Variants in MACROD2 observed in about 807,000 individuals in gnomAD.
MACROD2 encodes mono-ADP ribosylhydrolase 2, also known as ADP-ribose glycohydrolase MACROD2.
Under a neutral mutation model 70.4 loss-of-function variants are expected in MACROD2, and 36 were observed. The observed-to-expected ratio is 0.51, with a 90% confidence interval of 0.39 to 0.68. MACROD2 has a LOEUF of 0.68. Among genes scored for constraint, MACROD2 ranks in the 30% least tolerant of loss-of-function variants. MACROD2 has a pLI of 0.00. For missense variants in MACROD2, 496 were observed against 538.4 expected, an observed-to-expected ratio of 0.92 and a Z score of 0.78; for synonymous variants, 172 against 178.8, an observed-to-expected ratio of 0.96 and a Z score of 0.30.
chr20:14,035,891 C>A (rs1444676671), intron 2 of MACROD2, among the ~76,000 whole-genome samples: 2 of 152,176 alleles, frequency 1.3e-5, no homozygotes, highest in African/African-American at 2.4e-5. Flanking sequence ...GCCTGTAATC[C>A]CAACACTTTG....
chr20:14,945,446 G>T (rs934376850), intron 5 of MACROD2, among the ~76,000 whole-genome samples: 2 of 152,172 alleles, frequency 1.3e-5, no homozygotes, highest in African/African-American at 4.8e-5. Flanking sequence ...AGACAGGGGC[G>T]TCAAGGTTAC....
At chr20:15,148,020 C>G (rs1178063285) in intron 5 of MACROD2, among the ~76,000 whole-genome samples, 1 of 151,976 alleles carries the variant, frequency 6.6e-6, no homozygotes, top group African/African-American at 2.4e-5. Flanking sequence ...GATATGATGG[C>G]TTAGCTTGGG....
At chr20:15,593,375 TTC>T (rs1461720725) in intron 8 of MACROD2, among the ~76,000 whole-genome samples, 3 of 152,214 alleles carry the variant, frequency 2.0e-5, no homozygotes, top group African/African-American at 7.2e-5. Flanking sequence ...TACTGCCATT[TTC>T]TTTTTCCACT....
chr20:14,420,161 T>G (rs2122891584), intron 3 of MACROD2, among the ~76,000 whole-genome samples: 1 of 151,060 alleles, frequency 6.6e-6, no homozygotes, highest in African/African-American at 2.4e-5. Flanking sequence ...TATATATATA[T>G]GTTTAGAGTT....
At chr20:15,539,222 A>G (rs1209930321) in intron 8 of MACROD2, among the ~76,000 whole-genome samples, 1 of 152,188 alleles carries the variant, frequency 6.6e-6, no homozygotes. Flanking sequence ...ATAAAACTCT[A>G]ACCAGATAAA....
intron 6 of MACROD2, among the ~76,000 whole-genome samples, chr20:15,383,300 A>C (rs577550661): frequency 6.6e-5 from 10 of 152,344 alleles, no homozygotes; most frequent in East Asian, 3.9e-4. Context: ...AGAGTTTGCC[A>C]GAGTTGTCTA....
intron 6 of MACROD2, among the ~76,000 whole-genome samples, chr20:15,356,374 A>G (rs1395699930): frequency 1.3e-5 from 2 of 152,246 alleles, no homozygotes; most frequent in Non-Finnish European, 2.9e-5. Flanking sequence ...TTTATAATGT[A>G]TCAAAATTTT....
chr20:14,287,512 T>C (rs2122431425), intron 3 of MACROD2, among the ~76,000 whole-genome samples: 1 of 152,328 alleles, frequency 6.6e-6, no homozygotes, highest in East Asian at 1.9e-4. Context: ...TTTGAGCATC[T>C]GTTGGTTGTG....
At chr20:14,310,860 G>A (rs1323358687) in intron 3 of MACROD2, among the ~76,000 whole-genome samples, 1 of 151,864 alleles carries the variant, frequency 6.6e-6, no homozygotes, top group Non-Finnish European at 1.5e-5. Flanking sequence ...AAAGAAATGA[G>A]TTAATTTTTT....
chr20:14,529,071 C>T (rs112020955), intron 4 of MACROD2, among the ~76,000 whole-genome samples: 19 of 152,142 alleles, frequency 1.2e-4, no homozygotes, highest in African/African-American at 3.6e-4. Context: ...GGAAAGGGCA[C>T]GAGATTGGGT....
At chr20:14,668,221 G>A (rs989069883) in intron 4 of MACROD2, among the ~76,000 whole-genome samples, 2 of 151,854 alleles carry the variant, frequency 1.3e-5, no homozygotes, top group Non-Finnish European at 2.9e-5. Context: ...TTTGTGTAGC[G>A]TCCTTTCAGC....
chr20:15,538,587 A>C (rs1259845154), intron 8 of MACROD2, among the ~76,000 whole-genome samples: 3 of 152,198 alleles, frequency 2.0e-5, no homozygotes, highest in Non-Finnish European at 4.4e-5. Flanking sequence ...GTTCAGTGCA[A>C]ATCTTCCAGG....
chr20:16,032,141 C>G (rs371733243), intron 15 of MACROD2, among the ~76,000 whole-genome samples: 1 of 152,046 alleles, frequency 6.6e-6, no homozygotes, highest in Non-Finnish European at 1.5e-5. Context: ...TAGAAATAAA[C>G]GCATGCTATT....
At chr20:15,785,232 A>G (rs2051905289) in intron 8 of MACROD2, among the ~76,000 whole-genome samples, 1 of 152,174 alleles carries the variant, frequency 6.6e-6, no homozygotes, top group African/African-American at 2.4e-5. Flanking sequence ...TAACTGAACA[A>G]GAGCCACTAA....
intron 5 of MACROD2, among the ~76,000 whole-genome samples, chr20:15,052,368 G>T (rs149726318): frequency 6.6e-6 from 1 of 152,244 alleles, no homozygotes; most frequent in African/African-American, 2.4e-5. Context: ...AAGGTTTGTG[G>T]CAACCTTGTA....
intron 7 of MACROD2, among the ~76,000 whole-genome samples, chr20:15,493,079 AC>A (rs1187244262): frequency 1.3e-5 from 2 of 152,174 alleles, no homozygotes; most frequent in Non-Finnish European, 2.9e-5. Flanking sequence ...TGAGGTTAAA[AC>A]CACCACAAAA....
At chr20:14,162,475 T>C (rs1037895290) in intron 3 of MACROD2, among the ~76,000 whole-genome samples, 6 of 152,164 alleles carry the variant, frequency 3.9e-5, no homozygotes, top group African/African-American at 1.4e-4. Context: ...AAGTTCCTAA[T>C]TATTATTATA....
intron 5 of MACROD2, among the ~76,000 whole-genome samples, chr20:15,073,394 A>G (rs533849968): frequency 6.6e-6 from 1 of 152,014 alleles, no homozygotes; most frequent in Admixed American, 6.6e-5. Flanking sequence ...GTAATCTTTT[A>G]ACATAAGAAA....
At chr20:15,096,267 C>A (rs2075831304) in intron 5 of MACROD2, among the ~76,000 whole-genome samples, 1 of 151,970 alleles carries the variant, frequency 6.6e-6, no homozygotes, top group African/African-American at 2.4e-5. Context: ...CAGTCCCCTG[C>A]AGGGTACTCT....
Sources: allele counts gnomAD v4.1 joint callset (sites outside exome capture counted in the v4.1 genomes callset), GRCh38; gene constraint gnomAD v4.1.1; transcripts MANE v1.5; gene names NCBI Gene and HGNC (gene_info 2026-07-23, HGNC 2026-07-21).